Variants in NALF1 observed in about 807,000 individuals in gnomAD.
The protein encoded by NALF1 is family with sequence similarity 155 member A.
A neutral mutation model predicts 48.4 loss-of-function variants in NALF1; 3 were observed. The observed-to-expected ratio is 0.06, with a 90% confidence interval of 0.03 to 0.16. The LOEUF is 0.16. NALF1 is among the 10% of genes least tolerant of loss of function. NALF1 has a pLI of 1.00. For missense variants in NALF1, 526 were observed against 571.5 expected, an observed-to-expected ratio of 0.92 and a Z score of 0.81; for synonymous variants, 262 against 245.7, an observed-to-expected ratio of 1.07 and a Z score of -0.62.
intron 1 of NALF1, among the ~76,000 whole-genome samples, chr13:107,367,789 C>T (rs1202023342): frequency 1.3e-5 from 2 of 152,194 alleles, no homozygotes; most frequent in Non-Finnish European, 2.9e-5. Context: ...ACTAGGCAAA[C>T]ATTCAGACAG....
intron 1 of NALF1, among the ~76,000 whole-genome samples, chr13:107,279,218 G>A (rs1374574842): frequency 6.6e-6 from 1 of 151,972 alleles, no homozygotes; most frequent in East Asian, 1.9e-4. Context: ...GGAAGAAATT[G>A]CTGCTTCATG....
chr13:107,562,917 C>T (rs747112792), intron 1 of NALF1, among the ~76,000 whole-genome samples: 10 of 152,162 alleles, frequency 6.6e-5, no homozygotes, highest in Non-Finnish European at 1.3e-4. Flanking sequence ...CACTTCCTAA[C>T]TGCCAAAGTT....
chr13:107,517,861 A>C (rs28410867), intron 1 of NALF1, among the ~76,000 whole-genome samples: 1 of 151,624 alleles, frequency 6.6e-6, no homozygotes, highest in Non-Finnish European at 1.5e-5. Flanking sequence ...GCTGAGGCGG[A>C]GAATCTCTTC....
At chr13:107,847,488 G>T (rs560839383) in intron 1 of NALF1, among the ~76,000 whole-genome samples, 36 of 152,332 alleles carry the variant, frequency 2.4e-4, no homozygotes, top group Middle Eastern at 6.8e-3. Context: ...CAAAGGTGAA[G>T]AATGTCAGTC....
At chr13:107,809,512 T>G (rs2138605163) in intron 1 of NALF1, among the ~76,000 whole-genome samples, 1 of 152,152 alleles carries the variant, frequency 6.6e-6, no homozygotes, top group East Asian at 1.9e-4. Flanking sequence ...AGCCCTTTTC[T>G]CCTCCCTCTA....
intron 1 of NALF1, among the ~76,000 whole-genome samples, chr13:107,500,207 A>G (rs1875473279): frequency 6.6e-6 from 1 of 152,190 alleles, no homozygotes; most frequent in Non-Finnish European, 1.5e-5. Flanking sequence ...CTAACACATC[A>G]TTTTATACCT....
chr13:107,259,077 T>A (rs1173670791), intron 1 of NALF1, among the ~76,000 whole-genome samples: 1 of 152,110 alleles, frequency 6.6e-6, no homozygotes, highest in African/African-American at 2.4e-5. Context: ...CACGATTACA[T>A]CTCCCCTGAA....
At chr13:107,578,375 T>G (rs557144906) in intron 1 of NALF1, among the ~76,000 whole-genome samples, 1 of 152,230 alleles carries the variant, frequency 6.6e-6, no homozygotes. Context: ...CCTTTTGATG[T>G]GTGTCAAATT....
intron 2 of NALF1, among the ~76,000 whole-genome samples, chr13:107,208,287 G>A (rs1005824040): frequency 3.9e-5 from 6 of 152,096 alleles, no homozygotes; most frequent in African/African-American, 2.4e-5. Context: ...ACTTTTCTCT[G>A]GATCTGATAA....
intron 2 of NALF1, among the ~76,000 whole-genome samples, chr13:107,199,743 A>AT (rs1566448491): frequency 6.6e-6 from 1 of 152,200 alleles, no homozygotes; most frequent in Non-Finnish European, 1.5e-5. Context: ...GGAGGGTGGG[A>AT]TACAAGGACA....
intron 1 of NALF1, among the ~76,000 whole-genome samples, chr13:107,606,303 T>C (rs925621230): frequency 1.3e-5 from 2 of 148,950 alleles, no homozygotes; most frequent in Admixed American, 6.9e-5. Context: ...TGTGTGTATG[T>C]ATACATATAT....
At chr13:107,199,440 C>T (rs1422944505) in intron 2 of NALF1, among the ~76,000 whole-genome samples, 1 of 152,160 alleles carries the variant, frequency 6.6e-6, no homozygotes, top group Non-Finnish European at 1.5e-5. Flanking sequence ...TGGACTAGGG[C>T]TCATCCTAAT....
intron 1 of NALF1, among the ~76,000 whole-genome samples, chr13:107,406,650 C>T (rs757352440): frequency 2.6e-4 from 39 of 151,758 alleles, no homozygotes; most frequent in East Asian, 7.7e-4. Context: ...TAATAGAATG[C>T]CATTCTTTAC....
At chr13:107,631,595 G>A (rs2138449011) in intron 1 of NALF1, among the ~76,000 whole-genome samples, 1 of 152,130 alleles carries the variant, frequency 6.6e-6, no homozygotes, top group African/African-American at 2.4e-5. Context: ...TTTTATTACA[G>A]AGGGAAGCAT....
chr13:107,594,853 G>T (rs1054168729), intron 1 of NALF1, among the ~76,000 whole-genome samples: 1 of 151,702 alleles, frequency 6.6e-6, no homozygotes, highest in Non-Finnish European at 1.5e-5. Context: ...ATGTACCCTT[G>T]TAACAAATCT....
At chr13:107,491,112 G>T (rs1594091495) in intron 1 of NALF1, among the ~76,000 whole-genome samples, 1 of 152,162 alleles carries the variant, frequency 6.6e-6, no homozygotes. Context: ...TGAAATTGTG[G>T]CAGACAAAAC....
intron 1 of NALF1, among the ~76,000 whole-genome samples, chr13:107,864,322 T>C (rs1414366245): frequency 6.6e-6 from 1 of 152,230 alleles, no homozygotes; most frequent in African/African-American, 2.4e-5. Context: ...CAAGGTCAGT[T>C]TGAGTTTAAT....
chr13:107,308,779 A>G (rs1881990133), intron 1 of NALF1, among the ~76,000 whole-genome samples: 1 of 152,258 alleles, frequency 6.6e-6, no homozygotes, highest in African/African-American at 2.4e-5. Context: ...AAAACTATTT[A>G]TTAACCACAG....
intron 2 of NALF1, among the ~76,000 whole-genome samples, chr13:107,171,322 G>A (rs1306998852): frequency 3.9e-5 from 6 of 152,118 alleles, no homozygotes; most frequent in South Asian, 4.1e-4. Flanking sequence ...GTGGGTGATC[G>A]GGTCATTTTG....
Sources: gnomAD v4.1 joint callset for allele counts (sites outside exome capture counted in the v4.1 genomes callset) on GRCh38, gnomAD v4.1.1 for gene constraint, MANE v1.5 for transcripts, NCBI Gene and HGNC (gene_info 2026-07-23, HGNC 2026-07-21) for gene names.